DNM3: variants seen among roughly 807,000 people sequenced by gnomAD.
The protein encoded by DNM3 is dynamin 3, also known as dynamin-3.
A neutral mutation model predicts 101.6 loss-of-function variants in DNM3; 47 were observed. The observed-to-expected ratio is 0.46, with a 90% CI of 0.37 to 0.59. The LOEUF (loss-of-function observed/expected upper bound fraction) is 0.59, where lower values mean the gene tolerates loss of function less well. DNM3 is among the 20% of genes least tolerant of loss of function. DNM3 has a pLI of 0.00. For synonymous variants in DNM3, 385 were observed against 387.9 expected (o/e 0.99, Z 0.09); for missense variants, 849 against 1,085.7 (o/e 0.78, Z 3.06).
chr1:172,197,624 C>T (rs987025927), intron 14 of DNM3, among the ~76,000 whole-genome samples: 2 of 152,048 alleles, frequency 1.3e-5, no homozygotes, highest in African/African-American at 4.8e-5. Context: ...ATATCTTTCA[C>T]CTCCCTGATT....
chr1:172,147,252 A>C (rs1282702581), intron 14 of DNM3, among the ~76,000 whole-genome samples: 1 of 152,132 alleles, frequency 6.6e-6, no homozygotes, highest in Non-Finnish European at 1.5e-5. Context: ...TACCAAGTGC[A>C]GTTTAAAAAG....
intron 1 of DNM3, among the ~76,000 whole-genome samples, chr1:171,907,225 C>T (rs1347605764): frequency 1.3e-5 from 2 of 152,222 alleles, no homozygotes; most frequent in African/African-American, 4.8e-5. Context: ...GGCGCAGTGG[C>T]TCATGCTTGT....
At chr1:171,978,895 T>C (rs2044578512) in intron 2 of DNM3, among the ~76,000 whole-genome samples, 1 of 152,110 alleles carries the variant, frequency 6.6e-6, no homozygotes, top group South Asian at 2.1e-4. Context: ...CAGTTAAGCA[T>C]TAGAATTAGA....
At chr1:172,283,380 T>G (rs1053494937) in intron 15 of DNM3, among the ~76,000 whole-genome samples, 1 of 152,098 alleles carries the variant, frequency 6.6e-6, no homozygotes, top group Admixed American at 6.6e-5. Flanking sequence ...AGACAGCAGT[T>G]ACCTTATATT....
chr1:172,071,086 C>CATGTATATATATATATATATAT (rs1553362024), intron 11 of DNM3, among the ~76,000 whole-genome samples: 1 of 65,086 alleles, frequency 1.5e-5, no homozygotes, highest in African/African-American at 7.7e-5. Flanking sequence ...CAAGACCCTG[C>CATGTATATATATATATATATAT]ATATATATAT....
At position 172,197,546 on chromosome 1, in the gene DNM3, G is replaced by T. The variant is rs561292019; in HGVS notation, c.1660-56027G>T. Among the ~76,000 whole-genome samples, 17 of 152,042 alleles carry T rather than the reference G, an allele frequency of 1.1e-4. 1 individual carries two copies. The highest frequency in any genetic ancestry group is 4.1e-4 in the African/African-American group (17 of 41,490). On this transcript the variant is annotated intron_variant, in intron 14 of 20. Coordinates refer to ENST00000627582, the MANE Select transcript of DNM3 (RefSeq NM_015569.5). ...CAATTCTTCCTATCCATGAGCATGG[G>T]ATGTTTTTTCCATTTGTTTGTGTCT...
intron 13 of DNM3, among the ~76,000 whole-genome samples, chr1:172,107,659 G>A (rs1258816110): frequency 3.3e-5 from 5 of 152,174 alleles, no homozygotes; most frequent in African/African-American, 1.2e-4. Context: ...GATGCCACTA[G>A]TTCATTATCA....
chr1:172,055,696 C>G (rs888367503), intron 10 of DNM3, among the ~76,000 whole-genome samples: 1 of 152,252 alleles, frequency 6.6e-6, no homozygotes, highest in South Asian at 2.1e-4. Context: ...CTCATTGATT[C>G]AGCAGGTGAC....
At chr1:171,999,690 G>A (rs2046240832) in intron 4 of DNM3, among the ~76,000 whole-genome samples, 1 of 152,110 alleles carries the variant, frequency 6.6e-6, no homozygotes, top group African/African-American at 2.4e-5. Flanking sequence ...ATGTTTTTAA[G>A]TTAAGTATCT....
At position 172,409,362 on chromosome 1, in the gene DNM3, A is replaced by G; in HGVS notation, c.*1521A>G. The G allele has an allele frequency of 2.0e-6, 2 of 985,086 alleles. No individual in the cohort carries two copies. Among genetic ancestry groups the G allele is most frequent in the Non-Finnish European group, 2.4e-6 (2 of 829,618 alleles). 61.0% of individuals were successfully genotyped at this position (985,086 alleles called of 1,614,324 possible). A position where few individuals can be genotyped will look rare whatever the true frequency, so the allele number is the denominator to read the frequency against. ...TAGTTTACACCCAGAGCAGATACTC[A>G]TAAAGTATAAAGTAAAAACTTTTAA... On this transcript the variant is annotated 3_prime_UTR_variant, in exon 21 of 21. Transcript: ENST00000627582.
chr1:172,156,591 T>G (rs2058348179), intron 14 of DNM3, among the ~76,000 whole-genome samples: 1 of 151,674 alleles, frequency 6.6e-6, no homozygotes, highest in African/African-American at 2.4e-5. Context: ...ATAATGTAGG[T>G]GTTCATTTTT....
At position 171,850,907 on chromosome 1, in the gene DNM3, C is replaced by T. The variant is rs75258936; in HGVS notation, c.161+9090C>T. ...GTGTCCACCAGATTGTAGGGACATACGAAGAGAAAAGACTGGTAAGGTTCA... is the reference window on the plus strand; with the variant it reads ...GTGTCCACCAGATTGTAGGGACATATGAAGAGAAAAGACTGGTAAGGTTCA... On this transcript the variant is annotated intron_variant, in intron 1 of 20. Coordinates refer to ENST00000627582, the MANE Select transcript of DNM3 (RefSeq NM_015569.5). Among the ~76,000 whole-genome samples the T allele has an allele frequency of 4.3e-3, 646 of 151,894 alleles. 4 individuals are homozygous for T. The highest frequency in any genetic ancestry group is 0.015 in the African/African-American group (614 of 41,420).
At chr1:172,387,411 A>G (rs1336133330) in intron 19 of DNM3, 52 bp downstream of exon 19, 2 of 1,483,324 alleles carry the variant, frequency 1.3e-6, no homozygotes, top group African/African-American at 1.4e-5. Context: ...TAATCCCAGC[A>G]CTTTGAGAGG....
chr1:172,089,321 G>T (rs1369999101), intron 12 of DNM3, among the ~76,000 whole-genome samples: 1 of 151,994 alleles, frequency 6.6e-6, no homozygotes, highest in Non-Finnish European at 1.5e-5. Context: ...TATAGTTTTT[G>T]ATTTATGTTA....
intron 14 of DNM3, among the ~76,000 whole-genome samples, chr1:172,203,166 G>A (rs1364729302): frequency 1.3e-5 from 2 of 152,038 alleles, no homozygotes; most frequent in Non-Finnish European, 2.9e-5. Flanking sequence ...TGAGCTGGAG[G>A]GTCTCTTCAA....
chr1:172,149,307 C>A (rs529635326), intron 14 of DNM3, among the ~76,000 whole-genome samples: 2 of 152,256 alleles, frequency 1.3e-5, no homozygotes, highest in Admixed American at 1.3e-4. Context: ...CACTGGCGTG[C>A]ACAGCAGCCA....
chr1:172,171,199 A>G (rs964332436), intron 14 of DNM3, among the ~76,000 whole-genome samples: 5 of 151,794 alleles, frequency 3.3e-5, no homozygotes, highest in African/African-American at 9.7e-5. Context: ...TGTAGCTGGT[A>G]TGAATTAACT....
At position 172,253,651 on chromosome 1, in the gene DNM3, C is replaced by A; in HGVS notation, c.1738C>A (p.His580Asn). Residue 580 changes from histidine to asparagine, a missense_variant, in exon 15 of 21, where the codon CAC becomes AAC. This residue lies in a region of DNM3 where 193 missense variants were observed against 238.4 expected (regional missense o/e 0.81). Transcript: ENST00000627582. ...GGAAAAGAGCTTTATGTCTAGCAAG[C>A]ACATCTTTGCACTCTTTAATACAGA... ...DVEKSFMSSK[H>N]IFALFNTEQR... is the part of the protein sequence containing the mutation. 1 of 1,589,062 alleles carries A rather than the reference C, an allele frequency of 6.3e-7. No individual in the cohort carries two copies. Among genetic ancestry groups the A allele is most frequent in the Admixed American group, 1.8e-5 (1 of 56,720 alleles).
intron 2 of DNM3, among the ~76,000 whole-genome samples, chr1:171,949,966 A>T (rs1016176477): frequency 6.6e-6 from 1 of 152,208 alleles, no homozygotes; most frequent in Non-Finnish European, 1.5e-5. Context: ...TGTCCTCACA[A>T]CAACTTGAAT....
Sources: allele counts gnomAD v4.1 joint callset (sites outside exome capture counted in the v4.1 genomes callset), GRCh38; gene constraint gnomAD v4.1.1; regional missense constraint gnomAD v4.1.1; transcripts MANE v1.5; gene names NCBI Gene and HGNC (gene_info 2026-07-23, HGNC 2026-07-21).